Variants in SGMS1 observed in about 807,000 individuals in gnomAD.
The protein encoded by SGMS1 is sphingomyelin synthase 1.
SGMS1 carries 13 observed loss-of-function variants against 46.2 expected under a neutral mutation model. That is an observed-to-expected ratio of 0.28 (90% CI 0.18 to 0.45). SGMS1 has a LOEUF of 0.45. Ranked by LOEUF, SGMS1 falls within the 20% of genes least tolerant of loss-of-function variation. The pLI, the probability that SGMS1 is intolerant of heterozygous loss-of-function variation, is 1.00. For synonymous variants in SGMS1, 203 were observed against 187.8 expected (o/e 1.08, Z -0.66); for missense variants, 324 against 519.9 (o/e 0.62, Z 3.66).
At chr10:50,610,613 T>C (rs1838741078) in intron 1 of SGMS1, among the ~76,000 whole-genome samples, 1 of 152,216 alleles carries the variant, frequency 6.6e-6, no homozygotes, top group African/African-American at 2.4e-5. Context: ...CCCAGCCAAC[T>C]GCTTGGAACT....
At chr10:50,426,851 T>C (rs915448742) in intron 6 of SGMS1, among the ~76,000 whole-genome samples, 2 of 152,158 alleles carry the variant, frequency 1.3e-5, no homozygotes, top group Non-Finnish European at 2.9e-5. Context: ...CCTTGACACA[T>C]GTCAGGTAGT....
chr10:50,477,075 C>A (rs1183988673), intron 3 of SGMS1, among the ~76,000 whole-genome samples: 5 of 152,214 alleles, frequency 3.3e-5, no homozygotes, highest in African/African-American at 1.2e-4. Context: ...AATAGTAGAT[C>A]CACCAACAGC....
chr10:50,499,895 G>A (rs903355093), intron 3 of SGMS1, among the ~76,000 whole-genome samples: 7 of 152,286 alleles, frequency 4.6e-5, no homozygotes, highest in East Asian at 1.9e-4. Context: ...TCAGCCTGGC[G>A]CAGTGGCTCA....
rs61858141 is a variant in SGMS1 at position 50,605,369 on chromosome 10, A to G, written c.-683-15122T>C. On this transcript the variant is annotated intron_variant, in intron 1 of 10. Coordinates refer to ENST00000361781, the MANE Select transcript of SGMS1 (RefSeq NM_147156.4). ...AGACAGGCTCACAGAGAAGCATACC[A>G]CTGAAATAAATCATATCTGCATATC... Among the ~76,000 whole-genome samples, 26 of 152,388 alleles carry G rather than the reference A, an allele frequency of 1.7e-4. No homozygotes were observed. The East Asian group carries it at 5.0e-3, about 29-fold the overall frequency.
chr10:50,600,902 G>C (rs1168193023), intron 1 of SGMS1, among the ~76,000 whole-genome samples: 3 of 152,200 alleles, frequency 2.0e-5, no homozygotes, highest in Non-Finnish European at 4.4e-5. Flanking sequence ...AGGGGTGAGA[G>C]AGTAGAGCAG....
chr10:50,465,995 A>G (rs967168043), intron 4 of SGMS1, among the ~76,000 whole-genome samples: 2 of 152,204 alleles, frequency 1.3e-5, no homozygotes, highest in Non-Finnish European at 2.9e-5. Flanking sequence ...GACTGCATCA[A>G]GAAAATAAAG....
At position 50,343,566 on chromosome 10, in the gene SGMS1, G is replaced by C; in HGVS notation, c.549C>G (p.Ala183=). The change falls in exon 7 of 11, where the codon GCC becomes GCG. Residue 183 remains alanine, a synonymous_variant. Transcript: ENST00000361781. ...FFDHFNRVQW[A]FSICEINGMI... ...TGCCATTAATTTCACAAATAGAAAA[G>C]GCCCACTGCACCCGGTTAAAATGGT... 7 of 1,613,998 alleles carry C rather than the reference G, an allele frequency of 4.3e-6. No individual in the cohort carries two copies. Among genetic ancestry groups the C allele is most frequent in the East Asian group, 4.5e-5 (2 of 44,868 alleles).
chr10:50,611,341 A>G (rs2131929481), intron 1 of SGMS1, among the ~76,000 whole-genome samples: 1 of 152,300 alleles, frequency 6.6e-6, no homozygotes, highest in Admixed American at 6.5e-5. Context: ...TCACACCACG[A>G]CACTTGTGAC....
At chr10:50,404,220 C>G (rs1468666050) in intron 6 of SGMS1, among the ~76,000 whole-genome samples, 2 of 152,002 alleles carry the variant, frequency 1.3e-5, no homozygotes, top group African/African-American at 4.8e-5. Context: ...AAATTTTTAA[C>G]TTACCAGATT....
intron 5 of SGMS1, among the ~76,000 whole-genome samples, chr10:50,444,562 A>G (rs1836983934): frequency 6.6e-6 from 1 of 152,122 alleles, no homozygotes; most frequent in African/African-American, 2.4e-5. Flanking sequence ...AGGGAAAGAA[A>G]AATGAATCCT....
intron 8 of SGMS1, among the ~76,000 whole-genome samples, chr10:50,315,125 C>T (rs761463503): frequency 3.3e-5 from 5 of 152,112 alleles, no homozygotes; most frequent in Non-Finnish European, 7.3e-5. Flanking sequence ...CAGCCTACAG[C>T]TGTTTACCAA....
chr10:50,575,393 A>C (rs1838375066), intron 2 of SGMS1, among the ~76,000 whole-genome samples: 1 of 152,048 alleles, frequency 6.6e-6, no homozygotes, highest in Non-Finnish European at 1.5e-5. Context: ...ATCTCTATAA[A>C]ATAAAAAAAT....
intron 6 of SGMS1, among the ~76,000 whole-genome samples, chr10:50,369,803 C>A (rs1024999029): frequency 1.3e-5 from 2 of 152,188 alleles, no homozygotes; most frequent in Non-Finnish European, 2.9e-5. Context: ...CGACGAGATA[C>A]CTTCTAAGAA....
At chr10:50,525,505 C>A (rs1837893210) in intron 2 of SGMS1, among the ~76,000 whole-genome samples, 1 of 152,160 alleles carries the variant, frequency 6.6e-6, no homozygotes, top group South Asian at 2.1e-4. Context: ...GATGCTTGGT[C>A]TCTTGGACCT....
At chr10:50,593,261 G>A (rs1261719138) in intron 1 of SGMS1, among the ~76,000 whole-genome samples, 2 of 152,188 alleles carry the variant, frequency 1.3e-5, no homozygotes, top group Non-Finnish European at 2.9e-5. Flanking sequence ...GATGGCAGCA[G>A]CTTCAGTTGA....
At position 50,311,399 on chromosome 10, in the gene SGMS1, T is replaced by C. The variant is rs762482398; in HGVS notation, c.758A>G (p.Glu253Gly). ...NCSPKLFGDW[E>G]AQLRRIMKLI... is the part of the protein sequence containing the mutation. The stretch of plus-strand genomic sequence containing the variant: ...CTTCATTATTCTTCGCAGTTGGGCT[T>C]CCCAGTCTCCGAAAAGCTGGCAGAA... The change falls in exon 9 of 11, where the codon GAA becomes GGA. Residue 253 changes from glutamate to glycine, a missense_variant. Around this residue, in one of 2 missense-constraint regions of SGMS1, gnomAD observed 174 missense variants for 350.1 expected, o/e 0.50. Coordinates refer to ENST00000361781, the MANE Select transcript of SGMS1 (RefSeq NM_147156.4). 6.2e-7 allele frequency: 1 copy of C among 1,613,248 alleles called. No homozygotes were observed. The highest frequency in any genetic ancestry group is 1.1e-5 in the South Asian group (1 of 90,990).
At chr10:50,346,024 C>G (rs1477737360) in intron 6 of SGMS1, among the ~76,000 whole-genome samples, 1 of 152,136 alleles carries the variant, frequency 6.6e-6, no homozygotes, top group Non-Finnish European at 1.5e-5. Flanking sequence ...AAGACCTTAA[C>G]AAACTCCTTA....
intron 1 of SGMS1, among the ~76,000 whole-genome samples, chr10:50,597,801 T>C (rs1414278534): frequency 2.0e-5 from 3 of 152,072 alleles, no homozygotes; most frequent in Non-Finnish European, 4.4e-5. Context: ...TCACCTGAGG[T>C]TGGGAGTTCG....
chr10:50,413,339 T>C (rs981704670), intron 6 of SGMS1, among the ~76,000 whole-genome samples: 1 of 152,218 alleles, frequency 6.6e-6, no homozygotes, highest in Non-Finnish European at 1.5e-5. Flanking sequence ...TATTTCACCG[T>C]GCTGCTGATG....
Sources: allele counts gnomAD v4.1 joint callset (sites outside exome capture counted in the v4.1 genomes callset), GRCh38; gene constraint gnomAD v4.1.1; regional missense constraint gnomAD v4.1.1; transcripts MANE v1.5; gene names NCBI Gene and HGNC (gene_info 2026-07-23, HGNC 2026-07-21).